The following PARD3B variants were observed in gnomAD, a reference collection of about 807,000 sequenced individuals.
The protein encoded by PARD3B is par-3 family cell polarity regulator beta, also known as partitioning defective 3 homolog B.
In PARD3B, 103 loss-of-function variants were observed where a neutral mutation model predicts 130.2. The observed-to-expected ratio is 0.79, with a 90% CI of 0.67 to 0.93. The LOEUF is 0.93. PARD3B is among the 40% of genes least tolerant of loss of function. PARD3B has a pLI of 0.00. For synonymous variants in PARD3B, 583 were observed against 553.2 expected (o/e 1.05, Z -0.76); for missense variants, 1,609 against 1,499.2 (o/e 1.07, Z -1.21).
At chr2:205,118,692 G>T (rs73057197) in intron 6 of PARD3B, among the ~76,000 whole-genome samples, 1,769 of 152,184 alleles carry the variant, frequency 0.012, 26 homozygotes, top group African/African-American at 0.039. Flanking sequence ...AAATGAAGTC[G>T]CAGATTGATG....
intron 2 of PARD3B, among the ~76,000 whole-genome samples, chr2:204,713,483 G>A (rs57951921): frequency 0.71 from 106,768 of 151,376 alleles, 40,068 homozygotes; most frequent in East Asian, 0.91. Flanking sequence ...TTATGTAACC[G>A]TCGCCACCAT....
chr2:205,238,886 G>A (rs370976194), intron 15 of PARD3B, among the ~76,000 whole-genome samples: 5,156 of 91,752 alleles, frequency 0.056, 339 homozygotes, highest in Middle Eastern at 0.16. Context: ...ATGTATGTGT[G>A]TATATATATA....
At position 205,009,034 on chromosome 2, in the gene PARD3B, G is replaced by A. The variant is rs547931205; in HGVS notation, c.395-38547G>A. ...TTAAGTGAAATAAAAGATAGTGCCC[G>A]GCATGTAGTAAGGGTACAAATATTT... On this transcript the variant is annotated intron_variant, in intron 3 of 22. Transcript: ENST00000406610. Among the ~76,000 whole-genome samples, 83 of 152,180 alleles carry A rather than the reference G, an allele frequency of 5.5e-4. 1 individual carries two copies. The highest frequency in any genetic ancestry group is 1.9e-3 in the African/African-American group (77 of 41,516).
intron 2 of PARD3B, among the ~76,000 whole-genome samples, chr2:204,718,726 G>C (rs1406885462): frequency 2.6e-5 from 4 of 152,168 alleles, no homozygotes; most frequent in Non-Finnish European, 5.9e-5. Context: ...GATTCGCAGG[G>C]AGCAAGAGTA....
At chr2:205,500,189 C>T (rs1413518773) in intron 21 of PARD3B, among the ~76,000 whole-genome samples, 158 bp downstream of exon 21, 5 of 152,130 alleles carry the variant, frequency 3.3e-5, no homozygotes, top group Non-Finnish European at 7.3e-5. Flanking sequence ...CATATTCTCC[C>T]ACAGAAGCTG....
At chr2:204,774,016 G>A (rs537321873) in intron 2 of PARD3B, among the ~76,000 whole-genome samples, 1 of 151,880 alleles carries the variant, frequency 6.6e-6, no homozygotes, top group Non-Finnish European at 1.5e-5. Context: ...CTTCAGTGCT[G>A]TGCTTTCAAC....
intron 3 of PARD3B, among the ~76,000 whole-genome samples, chr2:204,986,350 A>G (rs62173486): frequency 2.0e-5 from 3 of 152,148 alleles, no homozygotes; most frequent in Admixed American, 6.5e-5. Context: ...AAACATGTCT[A>G]TACGACTATG....
At chr2:205,396,953 A>G (rs1350051730) in intron 18 of PARD3B, among the ~76,000 whole-genome samples, 1 of 152,190 alleles carries the variant, frequency 6.6e-6, no homozygotes, top group Admixed American at 6.5e-5. Context: ...TGATCCCCAC[A>G]AAGGCTGCTA....
chr2:204,800,303 T>C (rs2042521025), intron 2 of PARD3B, among the ~76,000 whole-genome samples: 1 of 151,984 alleles, frequency 6.6e-6, no homozygotes, highest in Admixed American at 6.6e-5. Context: ...ATTAGTAGGC[T>C]TAAAGACAGG....
At chr2:205,364,762 A>C (rs1298588771) in intron 18 of PARD3B, among the ~76,000 whole-genome samples, 2 of 152,244 alleles carry the variant, frequency 1.3e-5, no homozygotes, top group African/African-American at 2.4e-5. Flanking sequence ...TAAGAATGTC[A>C]AGTGGCTGTG....
intron 2 of PARD3B, among the ~76,000 whole-genome samples, chr2:204,934,960 A>G (rs1688300665): frequency 1.3e-5 from 2 of 152,158 alleles, no homozygotes; most frequent in South Asian, 4.1e-4. Flanking sequence ...ATTGACAATG[A>G]AGTATAATTT....
rs1232559579 is a variant in PARD3B, at chr2:204,545,745, A to G, written c.-255A>G. On this transcript the variant is annotated 5_prime_UTR_variant, in exon 1 of 23. Transcript: ENST00000406610. ...GGAGGAGGAGGAGCCGGTGCCGCGGAGCTGCCGCGTCCCGGGCCGCCGGGC... is the reference window on the plus strand; with the variant it reads ...GGAGGAGGAGGAGCCGGTGCCGCGGGGCTGCCGCGTCCCGGGCCGCCGGGC... 8.3e-6 allele frequency: 3 copies of G among 362,966 alleles called. No homozygotes were observed. Among genetic ancestry groups the G allele is most frequent in the East Asian group, 5.1e-5 (1 of 19,700 alleles). 22.5% of individuals were successfully genotyped at this position (362,966 alleles called of 1,614,324 possible).
At chr2:205,271,453 A>T (rs1396245434) in intron 16 of PARD3B, among the ~76,000 whole-genome samples, 1 of 152,240 alleles carries the variant, frequency 6.6e-6, no homozygotes, top group Non-Finnish European at 1.5e-5. Context: ...AATTATTGAC[A>T]TATATTACAA....
At chr2:205,342,512 G>A (rs1229434791) in intron 18 of PARD3B, among the ~76,000 whole-genome samples, 1 of 152,100 alleles carries the variant, frequency 6.6e-6, no homozygotes. Context: ...ATGTGTTATA[G>A]GCTGATGAAA....
chr2:204,987,185 A>T (rs758862171), intron 3 of PARD3B, among the ~76,000 whole-genome samples: 16 of 152,190 alleles, frequency 1.1e-4, no homozygotes, highest in African/African-American at 3.6e-4. Context: ...CAGTTAAAAT[A>T]CCCTAAAAGA....
In PARD3B at chr2:205,011,198, A is replaced by C. The variant is rs1292730696; in HGVS notation, c.395-36383A>C. Among the ~76,000 whole-genome samples the C allele has an allele frequency of 6.6e-6, 1 of 152,194 alleles. No individual in the cohort carries two copies. Among genetic ancestry groups the C allele is most frequent in the African/African-American group, 2.4e-5 (1 of 41,442 alleles). On this transcript the variant is annotated intron_variant, in intron 3 of 22. Transcript: ENST00000406610. The surrounding 1 kb of genome is among the most constrained non-coding windows in gnomAD (Gnocchi z 4.1). ...TATAACTTAGCAGCTTAAAATGACA[A>C]ACATTTATTACCTCATACAGATGAT...
rs144447647 is a variant in PARD3B, at chr2:204,893,846, G to C, written c.223-71306G>C. ...TGTGCCTTATGAATAGAAAAGAGCT[G>C]TTGTTGAAAGTAAAGCAGAATAACT... On this transcript the variant is annotated intron_variant, in intron 2 of 22. Coordinates refer to ENST00000406610, the MANE Select transcript of PARD3B (RefSeq NM_001302769.2). 1.4e-4 allele frequency among the ~76,000 whole-genome samples: 21 copies of C among 152,258 alleles called. No homozygotes were observed. In the East Asian group the frequency reaches 4.1e-3, roughly 29 times the overall value.
intron 2 of PARD3B, among the ~76,000 whole-genome samples, chr2:204,914,498 A>T (rs1463258982): frequency 6.6e-6 from 1 of 152,144 alleles, no homozygotes; most frequent in Non-Finnish European, 1.5e-5. Flanking sequence ...AAATAAGTAA[A>T]TCTGCTGATG....
At chr2:205,331,731 C>T (rs929285261) in intron 18 of PARD3B, among the ~76,000 whole-genome samples, 5 of 123,230 alleles carry the variant, frequency 4.1e-5, no homozygotes, top group Non-Finnish European at 8.0e-5. Context: ...TGCGGTGAGC[C>T]AAGAATGAGC....
Sources: gnomAD v4.1 joint callset for allele counts (sites outside exome capture counted in the v4.1 genomes callset) on GRCh38, gnomAD v4.1.1 for gene constraint, Gnocchi (gnomAD v3.1) non-coding constraint, MANE v1.5 for transcripts, NCBI Gene and HGNC (gene_info 2026-07-23, HGNC 2026-07-21) for gene names.